TMC7: variants seen among roughly 807,000 people sequenced by gnomAD.
TMC7 encodes transmembrane channel-like protein 7.
TMC7 carries 54 observed loss-of-function variants against 82.9 expected under a neutral mutation model. That is an observed-to-expected ratio of 0.65 (90% confidence interval 0.52 to 0.82). The LOEUF is 0.82. Among genes scored for constraint, TMC7 ranks in the 40% least tolerant of loss-of-function variants. The pLI is 0.00. For missense variants in TMC7, 820 were observed against 901.2 expected, an observed-to-expected ratio of 0.91 and a Z score of 1.15; for synonymous variants, 350 against 337.9, an observed-to-expected ratio of 1.04 and a Z score of -0.39.
At chr16:18,997,129 C>G (rs367755067) in intron 1 of TMC7, among the ~76,000 whole-genome samples, 1 of 152,196 alleles carries the variant, frequency 6.6e-6, no homozygotes, top group Non-Finnish European at 1.5e-5. Flanking sequence ...GATCTCCTCA[C>G]GGAGTGAGGG....
At chr16:19,046,874 C>A (rs911947075) in intron 11 of TMC7, among the ~76,000 whole-genome samples, 189 bp from the exon 12 acceptor site, 1 of 151,558 alleles carries the variant, frequency 6.6e-6, no homozygotes, top group Admixed American at 6.6e-5. Context: ...AATTTCAGTG[C>A]TGAACTATAG....
intron 13 of TMC7, among the ~76,000 whole-genome samples, chr16:19,053,792 T>C (rs1469706474): frequency 1.3e-5 from 2 of 152,046 alleles, no homozygotes; most frequent in Admixed American, 1.3e-4. Context: ...TCATTCCTTC[T>C]CAAGTACTTA....
At chr16:19,041,489 T>C (rs1392160003) in intron 9 of TMC7, among the ~76,000 whole-genome samples, 1 of 151,338 alleles carries the variant, frequency 6.6e-6, no homozygotes, top group Non-Finnish European at 1.5e-5. Flanking sequence ...CCTCAGCCTC[T>C]CAAATAGCTG....
chr16:18,984,802 A>G (rs1269115237), intron 1 of TMC7, among the ~76,000 whole-genome samples: 1 of 152,224 alleles, frequency 6.6e-6, no homozygotes, highest in Non-Finnish European at 1.5e-5. Flanking sequence ...AGAAATATGT[A>G]CAACGGCTGC....
At chr16:19,012,296 A>G (rs1303530626) in intron 2 of TMC7, 1 of 152,160 alleles carries the variant, frequency 6.6e-6, no homozygotes, top group African/African-American at 2.4e-5. Flanking sequence ...TAAATAATGT[A>G]TTTTATTTCC....
chr16:19,051,598 T>A lies in TMC7; in HGVS notation c.1741-88T>A, dbSNP rs186333847. On this transcript the variant is annotated intron_variant, in intron 12 of 15. Coordinates refer to ENST00000304381, the MANE Select transcript of TMC7 (RefSeq NM_024847.4). ...TCTGGAAAGGTTAGAGTGATTAACATTCCCACTGTAATGCAGGAATGCACT... is the reference window on the plus strand; with the variant it reads ...TCTGGAAAGGTTAGAGTGATTAACAATCCCACTGTAATGCAGGAATGCACT... 6.7e-3 allele frequency: 10,064 copies of A among 1,491,108 alleles called. 45 individuals are homozygous for A. The highest frequency in any genetic ancestry group is 0.014 in the Middle Eastern group (75 of 5,370). 92.4% of individuals were successfully genotyped at this position (1,491,108 alleles called of 1,614,324 possible).
chr16:19,059,274 G>A (rs1961900045), intron 14 of TMC7, 142 bp from the exon 15 acceptor site: 1 of 1,412,526 alleles, frequency 7.1e-7, no homozygotes, highest in Admixed American at 2.5e-5. Context: ...GCAAAGCACT[G>A]GTATTATAAA....
intron 1 of TMC7, among the ~76,000 whole-genome samples, chr16:18,991,160 G>A (rs1385469534): frequency 6.6e-6 from 1 of 152,136 alleles, no homozygotes; most frequent in African/African-American, 2.4e-5. Context: ...GAAGATTTTG[G>A]GGTAAGGGCT....
At chr16:19,026,917 A>G (rs1041524404) in intron 5 of TMC7, among the ~76,000 whole-genome samples, 1 of 149,702 alleles carries the variant, frequency 6.7e-6, no homozygotes, top group Non-Finnish European at 1.5e-5. Context: ...GCCCACCACC[A>G]CACCCAGCTA....
chr16:19,005,839 T>G (rs1596732350), intron 1 of TMC7, among the ~76,000 whole-genome samples: 1 of 152,078 alleles, frequency 6.6e-6, no homozygotes, highest in Non-Finnish European at 1.5e-5. Context: ...TGGAAGTGTG[T>G]CATATCCTCA....
At chr16:19,035,554 C>G (rs1400426427) in intron 6 of TMC7, 122 bp from the exon 7 acceptor site, 1 of 1,148,824 alleles carries the variant, frequency 8.7e-7, no homozygotes, top group Admixed American at 1.9e-5. Flanking sequence ...CCAAACTTGA[C>G]CATGTCACAA....
intron 1 of TMC7, among the ~76,000 whole-genome samples, chr16:19,003,482 T>G: frequency 6.8e-6 from 1 of 147,990 alleles, no homozygotes; most frequent in Non-Finnish European, 1.5e-5. Flanking sequence ...CCGCCCCTAC[T>G]GGGAAGTGAG....
chr16:19,009,222 C>T lies in TMC7; in HGVS notation c.118C>T (p.Leu40Phe), dbSNP rs200072588. The T allele has an allele frequency of 9.9e-6, 16 of 1,614,162 alleles. No individual in the cohort carries two copies. In the Middle Eastern group the frequency reaches 4.9e-4, roughly 50 times the overall value. ...SCFSSPPVNF[L>F]QELPSYRSIA... ...CTTCTCTTCTCCACCTGTGAACTTCCTCCAAGAATTGCCAAGCTACCGGTC... is the reference window on the plus strand; with the variant it reads ...CTTCTCTTCTCCACCTGTGAACTTCTTCCAAGAATTGCCAAGCTACCGGTC... Residue 40 changes from leucine to phenylalanine, a missense_variant, in exon 2 of 16, where the codon CTC becomes TTC. Leu to Phe is a conservative substitution (Grantham distance 22, BLOSUM62 0). Coordinates refer to ENST00000304381, the MANE Select transcript of TMC7 (RefSeq NM_024847.4).
At chr16:19,040,224 T>C in intron 8 of TMC7, 65 bp from the exon 9 acceptor site, 1 of 1,457,806 alleles carries the variant, frequency 6.9e-7, no homozygotes, top group Non-Finnish European at 9.3e-7. Context: ...TTCTTTTTTG[T>C]TCTATCTATT....
intron 1 of TMC7, among the ~76,000 whole-genome samples, chr16:18,999,864 C>G (rs184471406): frequency 6.6e-6 from 1 of 151,984 alleles, no homozygotes; most frequent in Non-Finnish European, 1.5e-5. Flanking sequence ...CCCGAGTTCA[C>G]GCCATTCTCC....
At chr16:19,030,409 T>G (rs1405029058) in intron 6 of TMC7, 40 bp downstream of exon 6, 1 of 1,582,244 alleles carries the variant, frequency 6.3e-7, no homozygotes, top group South Asian at 1.2e-5. Flanking sequence ...TTACCCCTGA[T>G]GGCTGGAGGC....
intron 1 of TMC7, among the ~76,000 whole-genome samples, chr16:18,986,901 T>C (rs573559745): frequency 1.3e-5 from 2 of 151,744 alleles, no homozygotes; most frequent in Admixed American, 1.3e-4. Flanking sequence ...GTCTCCCGGG[T>C]TCATGCCATT....
intron 6 of TMC7, among the ~76,000 whole-genome samples, chr16:19,031,722 A>T (rs1960524545): frequency 2.0e-5 from 3 of 152,296 alleles, no homozygotes; most frequent in Middle Eastern, 3.4e-3. Flanking sequence ...TCTCTTTTAC[A>T]TGACAGTCCT....
At position 19,021,627 on chromosome 16, in the gene TMC7, A is replaced by AG. The variant is rs1231149010; in HGVS notation, c.462dup. The AG allele has an allele frequency of 1.2e-6, 2 of 1,613,898 alleles. No homozygotes were observed. On this transcript the variant is annotated splice_acceptor_variant, in intron 3 of 15. Transcript: ENST00000304381. LOFTEE classifies it high-confidence loss of function. Reference sequence around the variant, plus strand: ...AGTGATGTCCGGGTTTGTTTTTTCCAGGGAAATTTGGCACTGGGATTCAGT... The same window carrying AG: ...AGTGATGTCCGGGTTTGTTTTTTCCAGGGGAAATTTGGCACTGGGATTCAGT...
Sources: allele counts gnomAD v4.1 joint callset (sites outside exome capture counted in the v4.1 genomes callset), GRCh38; gene constraint gnomAD v4.1.1; transcripts MANE v1.5; gene names NCBI Gene and HGNC (gene_info 2026-07-23, HGNC 2026-07-21).